Variants in DNAAF3 observed in about 807,000 individuals in gnomAD.
DNAAF3 encodes the protein dynein axonemal assembly factor 3, also known as UPF0470 protein C19orf51.
Under a neutral mutation model 50.9 loss-of-function variants are expected in DNAAF3, and 40 were observed. The observed-to-expected ratio is 0.79, with a 90% CI of 0.61 to 1.02. The LOEUF (loss-of-function observed/expected upper bound fraction) is 1.02. Among genes scored for constraint, DNAAF3 ranks in the 50% least tolerant of loss-of-function variants. The probability of loss-of-function intolerance (pLI) is 0.00; values close to 1 mark genes in which losing one functional copy is unlikely to be tolerated. For missense variants in DNAAF3, 763 were observed against 744.7 expected (o/e 1.02, Z -0.29); for synonymous variants, 327 against 322.8 (o/e 1.01, Z -0.14).
At chr19:55,162,930 AGCTAGCTGGGGCTAG>A (rs1425203049) in intron 4 of DNAAF3, 3 of 149,752 alleles carry the variant, frequency 2.0e-5, no homozygotes, top group Admixed American at 1.3e-4. Flanking sequence ...CCAGCTTCCC[AGCTAGCTGGGGCTAG>A]GCATTAGCTA....
At position 55,160,963 on chromosome 19, in the gene DNAAF3, G is replaced by C; in HGVS notation, c.912+102C>G. Reference sequence around the variant, plus strand: ...GAGTCGTTCCCACCAAGCGACGGGCGGGGTCTGGAGCTGGGGGCGGGGCCT... The same window carrying C: ...GAGTCGTTCCCACCAAGCGACGGGCCGGGTCTGGAGCTGGGGGCGGGGCCT... On this transcript the variant is annotated intron_variant, in intron 8 of 11. Transcript: ENST00000524407. The surrounding 1 kb of genome is among the most constrained non-coding windows in gnomAD (Gnocchi z 4.7). The C allele has an allele frequency of 1.4e-6, 2 of 1,455,972 alleles. No homozygotes were observed. The highest frequency in any genetic ancestry group is 1.8e-6 in the Non-Finnish European group (2 of 1,107,686). The allele number at this position is 1,455,972 out of a possible 1,614,324, so 90.2% of individuals were successfully genotyped here. A position where few individuals can be genotyped will look rare whatever the true frequency, so the allele number is the denominator to read the frequency against.
rs2085943511 is a variant in DNAAF3, at chr19:55,166,597, A to G, written c.-79T>C. On this transcript the variant is annotated 5_prime_UTR_variant, in exon 1 of 12. Transcript: ENST00000524407. The surrounding 1 kb of genome is among the most constrained non-coding windows in gnomAD (Gnocchi z 4.0). ...GCACTGTGGACCCGCGGCACTCCAC[A>G]ACCGCTGCCCAGAGTCCCCGCCCTT... The G allele has an allele frequency of 6.2e-7, 1 of 1,614,152 alleles. No individual in the cohort carries two copies. Among genetic ancestry groups the G allele is most frequent in the Non-Finnish European group, 8.5e-7 (1 of 1,180,012 alleles).
chr19:55,160,129 A>G lies in DNAAF3; in HGVS notation c.1049-116T>C. 1 of 716,350 alleles carries G rather than the reference A, an allele frequency of 1.4e-6. No individual in the cohort carries two copies. The highest frequency in any genetic ancestry group is 1.6e-5 in the South Asian group (1 of 61,650). The allele number at this position is 716,350 out of a possible 1,614,324, so 44.4% of individuals were successfully genotyped here. ...CAGGCACACAGGACTTGGAGATAACACTTTTTGTCCTCTTGCAGCTTTTTA... is the reference window on the plus strand; with the variant it reads ...CAGGCACACAGGACTTGGAGATAACGCTTTTTGTCCTCTTGCAGCTTTTTA... On this transcript the variant is annotated intron_variant, in intron 9 of 11. Transcript: ENST00000524407. This position sits in a 1 kb window ranked among gnomAD's most constrained non-coding sequence, Gnocchi z 4.7.
In DNAAF3 at chr19:55,161,402, G is replaced by A. The variant is rs2085828834; in HGVS notation, c.680C>T (p.Pro227Leu). Residue 227 changes from proline to leucine, a missense_variant, in exon 7 of 12, where the codon CCC (proline) becomes CTC (leucine). Transcript: ENST00000524407. The surrounding 1 kb of genome is among the most constrained non-coding windows in gnomAD (Gnocchi z 6.4). The part of the protein sequence containing the change: ...LHDRGAQVIH[P>L]QEFRRWRDTG... ...GTCCCGCCAGCGTCGGAACTCCTGG[G>A]GGTGAATGACTTGAGCCTGGGGTGG... 1 of 1,289,542 alleles carries A rather than the reference G, an allele frequency of 7.8e-7. No homozygotes were observed. The highest frequency in any genetic ancestry group is 1.5e-5 in the African/African-American group (1 of 65,456). 79.9% of individuals were successfully genotyped at this position (1,289,542 alleles called of 1,614,324 possible).
At position 55,165,450 on chromosome 19, in the gene DNAAF3, T is replaced by C. The variant is rs1390016187; in HGVS notation, c.242A>G (p.Glu81Gly). 6.2e-7 allele frequency: 1 copy of C among 1,613,998 alleles called. No homozygotes were observed. Among genetic ancestry groups the C allele is most frequent in the Non-Finnish European group, 8.5e-7 (1 of 1,179,998 alleles). ...TCGGGCCACAGCTTCCAGATTATTC[T>C]CCAGCACAAAGAACTAGAAGGATGG... ...PRRRFNFFVL[E>G]NNLEAVARHM... The change falls in exon 4 of 12, where the codon GAG becomes GGG. Residue 81 changes from glutamate to glycine, a missense_variant. Physicochemically the swap from Glu to Gly is moderately conservative, Grantham distance 98 (BLOSUM62 -2). Transcript: ENST00000524407.
At position 55,162,974 on chromosome 19, in the gene DNAAF3, TTA is replaced by T. The variant is rs570642449; in HGVS notation, c.323-686_323-685del. Among the ~76,000 whole-genome samples, 309 of 150,562 alleles carry T rather than the reference TTA, an allele frequency of 2.1e-3. 1 individual carries two copies. The highest frequency in any genetic ancestry group is 7.3e-3 in the African/African-American group (297 of 40,868). On this transcript the variant is annotated intron_variant, in intron 4 of 11. Transcript: ENST00000524407. ...TTAGCTACCACACCCAGCTAATGTT[TTA>T]TTTCTTTTTCTTTTCTTTTTCTTTT...
rs2085809163 is a variant in DNAAF3 at position 55,160,745 on chromosome 19, T to A, written c.943A>T (p.Thr315Ser). ...TAGEITQHNV[T>S]ELLRDVAAWG... ...GCGGCCACGTCGCGGAGCAGCTCCG[T>A]CACGTTGTGTTGAGTGATCTCCCCG... The change falls in exon 9 of 12, where the codon ACG (threonine) becomes TCG (serine). Residue 315 changes from threonine to serine, a missense_variant. Transcript: ENST00000524407. This position sits in a 1 kb window ranked among gnomAD's most constrained non-coding sequence, Gnocchi z 4.7. 6.2e-7 allele frequency: 1 copy of A among 1,612,268 alleles called. No individual in the cohort carries two copies. Among genetic ancestry groups the A allele is most frequent in the Non-Finnish European group, 8.5e-7 (1 of 1,179,788 alleles).
rs751196231 is a variant in DNAAF3 at position 55,161,140 on chromosome 19, C to T, written c.837G>A (p.Thr279=). 32 of 1,551,880 alleles carry T rather than the reference C, an allele frequency of 2.1e-5. No homozygotes were observed. In the East Asian group the frequency reaches 5.1e-4, roughly 25 times the overall value. The change falls in exon 8 of 12, where the codon ACG becomes ACA. Residue 279 remains threonine, a synonymous_variant. Transcript: ENST00000524407. The surrounding 1 kb of genome is among the most constrained non-coding windows in gnomAD (Gnocchi z 6.4). ...CGATGCCGAAGGCCACGAAGGGCCC[C>T]GTGGCGATGTCCCCCCAGTACCCGC... ...AARGYWGDIA[T]GPFVAFGIEA... is the part of the protein sequence containing the mutation.
chr19:55,161,320 G>A lies in DNAAF3; in HGVS notation c.762C>T (p.Thr254=), dbSNP rs571484298. ...AGCTCAGGAGGCGACCGGACGCCAG[G>A]GTCCGGTTGGGCACATGATAGGCGC... ...DSSAYHVPNR[T]LASGRLLSYR... is the part of the protein sequence containing the mutation. Residue 254 remains threonine, a synonymous_variant, in exon 7 of 12, where the codon ACC becomes ACT. Coordinates refer to ENST00000524407, the MANE Select transcript of DNAAF3 (RefSeq NM_001256715.2). The surrounding 1 kb of genome is among the most constrained non-coding windows in gnomAD (Gnocchi z 6.4). 6.2e-7 allele frequency: 1 copy of A among 1,611,086 alleles called. No homozygotes were observed. Among genetic ancestry groups the A allele is most frequent in the Non-Finnish European group, 8.5e-7 (1 of 1,178,692 alleles).
In DNAAF3 at chr19:55,165,418, G is replaced by C. The variant is rs762279894; in HGVS notation, c.274C>G (p.Leu92Val). Residue 92 changes from leucine (L) to valine (V), a missense_variant, in exon 4 of 12, where the codon CTG (leucine) becomes GTG (valine). Leu to Val is a conservative substitution (Grantham distance 32). Transcript: ENST00000524407. Reference sequence around the variant, plus strand: ...TCCTCCAGGGCTAGGCTGAAGATCAGCATGTGTCGGGCCACAGCTTCCAGA... The same window carrying C: ...TCCTCCAGGGCTAGGCTGAAGATCACCATGTGTCGGGCCACAGCTTCCAGA... ...NNLEAVARHM[L>V]IFSLALEEPE... 46 of 1,614,158 alleles carry C rather than the reference G, an allele frequency of 2.8e-5. 1 individual carries two copies. The Middle Eastern group carries it at 1.3e-3, about 46-fold the overall frequency.
rs764321844 is a variant in DNAAF3, at chr19:55,160,652, G to A, written c.1036C>T (p.Pro346Ser). Residue 346 changes from proline to serine, a missense_variant, in exon 9 of 12, where the codon CCA becomes TCA. By Grantham distance (74) the Pro-to-Ser change is moderately conservative. Coordinates refer to ENST00000524407, the MANE Select transcript of DNAAF3 (RefSeq NM_001256715.2). This position sits in a 1 kb window ranked among gnomAD's most constrained non-coding sequence, Gnocchi z 4.7. ...GTCCCTGGCTTACCTGGAGTCCCTGGCTCCGGGCTTCCCTCCGCGTGCTGC... is the reference window on the plus strand; with the variant it reads ...GTCCCTGGCTTACCTGGAGTCCCTGACTCCGGGCTTCCCTCCGCGTGCTGC... ...EQQHAEGSPE[P>S]GTPAAPTPES... 1.4e-5 allele frequency: 22 copies of A among 1,613,878 alleles called. No homozygotes were observed. The highest frequency in any genetic ancestry group is 1.8e-5 in the Non-Finnish European group (21 of 1,179,926).
Position 55,161,718 on chromosome 19 carries a change from G to GCCC in DNAAF3, c.587_588insGGG (p.His196delinsGlnGly), listed in dbSNP as rs2085837988. 6.5e-7 allele frequency: 1 copy of GCCC among 1,541,286 alleles called. No individual in the cohort carries two copies. The highest frequency in any genetic ancestry group is 1.4e-5 in the African/African-American group (1 of 72,938). ...GGGCGTCGTAGCGGGAGCCCAGGTA[G>GCCC]TGGCGCAGGCGCGAGTCCCAGAGGC... On this transcript the variant is annotated protein_altering_variant, in exon 6 of 12. Coordinates refer to ENST00000524407, the MANE Select transcript of DNAAF3 (RefSeq NM_001256715.2). The surrounding 1 kb of genome is among the most constrained non-coding windows in gnomAD (Gnocchi z 6.4).
chr19:55,166,601 G>T lies in DNAAF3; in HGVS notation c.-83C>A, dbSNP rs1256328146. 1 of 1,614,034 alleles carries T rather than the reference G, an allele frequency of 6.2e-7. No individual in the cohort carries two copies. Among genetic ancestry groups the T allele is most frequent in the South Asian group, 1.1e-5 (1 of 91,072 alleles). On this transcript the variant is annotated 5_prime_UTR_variant, in exon 1 of 12. Coordinates refer to ENST00000524407, the MANE Select transcript of DNAAF3 (RefSeq NM_001256715.2). The surrounding 1 kb of genome is among the most constrained non-coding windows in gnomAD (Gnocchi z 4.0). ...TGTGGACCCGCGGCACTCCACAACC[G>T]CTGCCCAGAGTCCCCGCCCTTTTCG... is the stretch of plus-strand genomic sequence containing the variant.
rs1331716209 is a variant in DNAAF3 at position 55,161,594 on chromosome 19, C to T, written c.663+49G>A. On this transcript the variant is annotated intron_variant, in intron 6 of 11. Coordinates refer to ENST00000524407, the MANE Select transcript of DNAAF3 (RefSeq NM_001256715.2). This position sits in a 1 kb window ranked among gnomAD's most constrained non-coding sequence, Gnocchi z 6.4. The stretch of plus-strand genomic sequence containing the variant: ...CTCAGGAGGCCCCCAGCCCCTCCTC[C>T]CTCAGACCCAGGGGTCCAGGCCCCC... 20 of 1,501,076 alleles carry T rather than the reference C, an allele frequency of 1.3e-5. No homozygotes were observed. Among genetic ancestry groups the T allele is most frequent in the Non-Finnish European group, 1.6e-5 (18 of 1,126,238 alleles). The allele number at this position is 1,501,076 out of a possible 1,614,324, so 93.0% of individuals were successfully genotyped here.
rs2085813076 is a variant in DNAAF3 at position 55,160,849 on chromosome 19, C to G, written c.913-74G>C. ...CGGGGCTTAGAACGCTGGGAGTCCT[C>G]GGTCCAGGACTAGAACTCCCGCAGC... On this transcript the variant is annotated intron_variant, in intron 8 of 11. Coordinates refer to ENST00000524407, the MANE Select transcript of DNAAF3 (RefSeq NM_001256715.2). The surrounding 1 kb of genome is among the most constrained non-coding windows in gnomAD (Gnocchi z 4.7). 6 of 1,539,386 alleles carry G rather than the reference C, an allele frequency of 3.9e-6. No homozygotes were observed. The highest frequency in any genetic ancestry group is 2.3e-5 in the South Asian group (2 of 85,818).
In DNAAF3 at chr19:55,160,503, G is replaced by T; in HGVS notation, c.1048+137C>A. ...ATGCTCTCAGAATTTAGGAAAGGGA[G>T]AGAAAGAGAGAAAAAGAGACAGAAT... On this transcript the variant is annotated intron_variant, in intron 9 of 11. Coordinates refer to ENST00000524407, the MANE Select transcript of DNAAF3 (RefSeq NM_001256715.2). This position sits in a 1 kb window ranked among gnomAD's most constrained non-coding sequence, Gnocchi z 4.7. 1 of 1,434,450 alleles carries T rather than the reference G, an allele frequency of 7.0e-7. No homozygotes were observed. Among genetic ancestry groups the T allele is most frequent in the Non-Finnish European group, 9.5e-7 (1 of 1,048,326 alleles). The allele number at this position is 1,434,450 out of a possible 1,614,324, so 88.9% of individuals were successfully genotyped here. A position where few individuals can be genotyped will look rare whatever the true frequency, so the allele number is the denominator to read the frequency against.
Position 55,161,566 on chromosome 19 carries a change from AGAC to A in DNAAF3, c.663+74_663+76del. On this transcript the variant is annotated intron_variant, in intron 6 of 11. Coordinates refer to ENST00000524407, the MANE Select transcript of DNAAF3 (RefSeq NM_001256715.2). The surrounding 1 kb of genome is among the most constrained non-coding windows in gnomAD (Gnocchi z 6.4). ...TCAGGCCCCCAAACCCTCCTCCCTC[AGAC>A]TCAGGAGGCCCCCAGCCCCTCCTCC... 6.8e-7 allele frequency: 1 copy of A among 1,464,342 alleles called. No homozygotes were observed. The highest frequency in any genetic ancestry group is 9.0e-7 in the Non-Finnish European group (1 of 1,106,530). 90.7% of individuals were successfully genotyped at this position (1,464,342 alleles called of 1,614,324 possible). A position where few individuals can be genotyped will look rare whatever the true frequency, so the allele number is the denominator to read the frequency against.
chr19:55,160,624 G>A lies in DNAAF3; in HGVS notation c.1048+16C>T, dbSNP rs542851818. ...GGCTGGAGTCCCTGGCTTACCTGTTGTTGTCCCTGGCTTACCTGGAGTCCC... is the reference window on the plus strand; with the variant it reads ...GGCTGGAGTCCCTGGCTTACCTGTTATTGTCCCTGGCTTACCTGGAGTCCC... On this transcript the variant is annotated intron_variant, in intron 9 of 11. Coordinates refer to ENST00000524407, the MANE Select transcript of DNAAF3 (RefSeq NM_001256715.2). This position sits in a 1 kb window ranked among gnomAD's most constrained non-coding sequence, Gnocchi z 4.7. 2 of 1,468,344 alleles carry A rather than the reference G, an allele frequency of 1.4e-6. No individual in the cohort carries two copies. Among genetic ancestry groups the A allele is most frequent in the Non-Finnish European group, 1.8e-6 (2 of 1,118,038 alleles). The allele number at this position is 1,468,344 out of a possible 1,614,324, so 91.0% of individuals were successfully genotyped here. A position where few individuals can be genotyped will look rare whatever the true frequency, so the allele number is the denominator to read the frequency against.
Position 55,159,302 on chromosome 19 carries a change from CA to C in DNAAF3, c.1385del (p.Leu462ArgfsTer32), listed in dbSNP as rs1334846806. The C allele has an allele frequency of 6.2e-7, 1 of 1,614,010 alleles. No homozygotes were observed. Among genetic ancestry groups the C allele is most frequent in the Non-Finnish European group, 8.5e-7 (1 of 1,180,042 alleles). ...GTTCCACAGCTGGGACAGTGTTGCC[CA>C]GAGCTGATTCCTGGGACTTGCAGAA... is the stretch of plus-strand genomic sequence containing the variant. ...ARFCKSQESA[L>X]GNTVPAVEPG... On this transcript the variant is annotated frameshift_variant, in exon 12 of 12. Transcript: ENST00000524407. LOFTEE classifies it low-confidence loss of function (END_TRUNC).
Sources: allele counts gnomAD v4.1 joint callset (sites outside exome capture counted in the v4.1 genomes callset), GRCh38; gene constraint gnomAD v4.1.1; non-coding constraint Gnocchi (gnomAD v3.1); transcripts MANE v1.5; gene names NCBI Gene and HGNC (gene_info 2026-07-23, HGNC 2026-07-21).